The following SPAG16 variants were observed in gnomAD, a reference collection of about 807,000 sequenced individuals.
SPAG16 encodes the protein sperm-associated antigen 16 protein.
In SPAG16, 86 loss-of-function variants were observed where a neutral mutation model predicts 80.4. That is an observed-to-expected ratio of 1.07 (90% CI 0.90 to 1.28). The LOEUF (loss-of-function observed/expected upper bound fraction) is 1.28, where lower values mean the gene tolerates loss of function less well. Ranked by LOEUF, SPAG16 falls within the 50% of genes most tolerant of loss-of-function variation. The pLI, the probability that SPAG16 is intolerant of heterozygous loss-of-function variation, is 0.00. For missense variants in SPAG16, 870 were observed against 765.3 expected, an observed-to-expected ratio of 1.14 and a Z score of -1.61; for synonymous variants, 294 against 265.9, an observed-to-expected ratio of 1.11 and a Z score of -1.03.
intron 10 of SPAG16, among the ~76,000 whole-genome samples, chr2:213,575,267 A>G (rs956066148): frequency 6.6e-6 from 1 of 152,176 alleles, no homozygotes; most frequent in African/African-American, 2.4e-5. Context: ...ATAACAAGAT[A>G]TTACTTGCGA....
chr2:214,254,626 G>A (rs1378854651), intron 15 of SPAG16, among the ~76,000 whole-genome samples: 1 of 151,962 alleles, frequency 6.6e-6, no homozygotes, highest in African/African-American at 2.4e-5. Context: ...CTTTGAGAAT[G>A]AAGACAGTTT....
intron 13 of SPAG16, among the ~76,000 whole-genome samples, chr2:214,023,109 C>A (rs752068031): frequency 1.3e-4 from 19 of 151,862 alleles, no homozygotes; most frequent in Non-Finnish European, 2.2e-4. Context: ...TAAACCTTCT[C>A]TTTTCCCCTC....
chr2:214,291,184 C>T (rs1307525628), intron 15 of SPAG16, among the ~76,000 whole-genome samples: 2 of 151,436 alleles, frequency 1.3e-5, no homozygotes, highest in South Asian at 2.1e-4. Context: ...TACTCCTGCT[C>T]GCTTTTGGTT....
chr2:214,405,493 T>A (rs1042937675), intron 15 of SPAG16, among the ~76,000 whole-genome samples: 1 of 152,146 alleles, frequency 6.6e-6, no homozygotes, highest in Non-Finnish European at 1.5e-5. Flanking sequence ...AATAAAGTTT[T>A]CAATTCAAAT....
chr2:213,463,787 C>T (rs1044378626), intron 9 of SPAG16, among the ~76,000 whole-genome samples: 2 of 152,208 alleles, frequency 1.3e-5, no homozygotes, highest in African/African-American at 4.8e-5. Flanking sequence ...GGTTGGAGCC[C>T]CCATACAGAG....
intron 12 of SPAG16, among the ~76,000 whole-genome samples, chr2:213,952,091 G>A (rs980768986): frequency 2.0e-5 from 3 of 152,072 alleles, no homozygotes; most frequent in African/African-American, 7.2e-5. Context: ...CCAGTTGGAG[G>A]TACAATGATT....
chr2:213,796,016 G>C (rs1365071051), intron 10 of SPAG16, among the ~76,000 whole-genome samples: 1 of 151,942 alleles, frequency 6.6e-6, no homozygotes, highest in African/African-American at 2.4e-5. Flanking sequence ...TGTTTTGAAG[G>C]AAAAAAGTCA....
chr2:213,342,692 A>G (rs1235343945), intron 6 of SPAG16, among the ~76,000 whole-genome samples: 1 of 151,984 alleles, frequency 6.6e-6, no homozygotes, highest in Non-Finnish European at 1.5e-5. Flanking sequence ...GGGCTATGTC[A>G]TTGTAAATAG....
chr2:213,520,336 C>T lies in SPAG16; in HGVS notation c.1070+30246C>T, dbSNP rs186583948. Among the ~76,000 whole-genome samples, 198 of 152,082 alleles carry T rather than the reference C, an allele frequency of 1.3e-3. 4 individuals carry two copies. In the East Asian group the frequency reaches 0.027, roughly 21 times the overall value. On this transcript the variant is annotated intron_variant, in intron 10 of 15. Coordinates refer to ENST00000331683, the MANE Select transcript of SPAG16 (RefSeq NM_024532.5). ...GCGTGGTGGCTCACGCCTGTAATCC[C>T]AGCACTTTGGGAGGCTGAGGCGGGA...
At chr2:214,073,955 T>G (rs1231092003) in intron 13 of SPAG16, among the ~76,000 whole-genome samples, 1 of 152,192 alleles carries the variant, frequency 6.6e-6, no homozygotes, top group Non-Finnish European at 1.5e-5. Flanking sequence ...AATGTTTGTG[T>G]CCCTTCTAAA....
At chr2:213,583,210 A>G (rs2060352543) in intron 10 of SPAG16, among the ~76,000 whole-genome samples, 1 of 152,150 alleles carries the variant, frequency 6.6e-6, no homozygotes, top group Admixed American at 6.6e-5. Context: ...TTTTCCATGG[A>G]AAAAACAGGC....
chr2:214,301,295 C>T (rs1369361201), intron 15 of SPAG16, among the ~76,000 whole-genome samples: 1 of 148,164 alleles, frequency 6.7e-6, no homozygotes, highest in Non-Finnish European at 1.5e-5. Flanking sequence ...AAAATCTAGG[C>T]ATCAAAAAAA....
intron 15 of SPAG16, among the ~76,000 whole-genome samples, chr2:214,210,909 T>C (rs981125386): frequency 2.6e-5 from 4 of 152,004 alleles, no homozygotes; most frequent in Admixed American, 6.6e-5. Context: ...ATAACAAAAA[T>C]AATATGTAAC....
At chr2:213,473,062 T>G (rs1318537803) in intron 9 of SPAG16, among the ~76,000 whole-genome samples, 1 of 152,204 alleles carries the variant, frequency 6.6e-6, no homozygotes, top group African/African-American at 2.4e-5. Flanking sequence ...CATGATTCTC[T>G]GTTTTTATAA....
chr2:213,874,910 A>T (rs558669152), intron 11 of SPAG16, among the ~76,000 whole-genome samples: 2 of 152,242 alleles, frequency 1.3e-5, no homozygotes, highest in African/African-American at 4.8e-5. Context: ...AGGTTTGCCC[A>T]GAAAAGTCCC....
At position 214,210,304 on chromosome 2, in the gene SPAG16, A is replaced by T. The variant is rs2058257266; in HGVS notation, c.1720+61038A>T. Among the ~76,000 whole-genome samples the T allele has an allele frequency of 2.0e-5, 3 of 152,208 alleles. No homozygotes were observed. In the South Asian group the frequency reaches 6.2e-4, roughly 31 times the overall value. On this transcript the variant is annotated intron_variant, in intron 15 of 15. Coordinates refer to ENST00000331683, the MANE Select transcript of SPAG16 (RefSeq NM_024532.5). ...ATGGATTTTTTCAATAAGTTTACTG[A>T]AAATTTTCTTGGAGATTTGTGACAA... is the stretch of plus-strand genomic sequence containing the variant.
chr2:213,518,104 A>G (rs1384194350), intron 10 of SPAG16, among the ~76,000 whole-genome samples: 2 of 152,228 alleles, frequency 1.3e-5, no homozygotes, highest in African/African-American at 4.8e-5. Flanking sequence ...TAACAAGCAA[A>G]AAACAAATAA....
intron 9 of SPAG16, among the ~76,000 whole-genome samples, chr2:213,436,353 A>G (rs537676274): frequency 1.3e-5 from 2 of 152,174 alleles, no homozygotes; most frequent in Admixed American, 6.5e-5. Flanking sequence ...AAAGCAGTTA[A>G]ATTTATTTGT....
intron 11 of SPAG16, among the ~76,000 whole-genome samples, chr2:213,881,175 A>T (rs1006670582): frequency 4.6e-5 from 7 of 152,066 alleles, no homozygotes; most frequent in Non-Finnish European, 1.0e-4. Context: ...GAGATATCTC[A>T]TCTCCTTGGT....
Sources: gnomAD v4.1 joint callset for allele counts (sites outside exome capture counted in the v4.1 genomes callset) on GRCh38, gnomAD v4.1.1 for gene constraint, MANE v1.5 for transcripts, NCBI Gene and HGNC (gene_info 2026-07-23, HGNC 2026-07-21) for gene names.